Variants in PAPSS2 observed in about 807,000 individuals in gnomAD.
PAPSS2 encodes the protein bifunctional 3'-phosphoadenosine 5'-phosphosulfate synthase 2.
A neutral mutation model predicts 66.5 loss-of-function variants in PAPSS2; 61 were observed. The observed-to-expected ratio is 0.92, with a 90% CI of 0.75 to 1.14. The LOEUF is 1.14. Ranked by LOEUF, PAPSS2 falls within the 50% of genes most tolerant of loss-of-function variation. PAPSS2 has a pLI of 0.00. For missense variants in PAPSS2, 708 were observed against 789.6 expected (o/e 0.90, Z 1.24); for synonymous variants, 289 against 287.5 (o/e 1.01, Z -0.05).
chr10:87,697,965 C>G (rs1853255594), intron 1 of PAPSS2, among the ~76,000 whole-genome samples: 1 of 152,220 alleles, frequency 6.6e-6, no homozygotes, highest in Admixed American at 6.5e-5. Flanking sequence ...CTGAATGATG[C>G]TTGCAAACTG....
intron 1 of PAPSS2, chr10:87,704,115 T>C (rs1198161990): frequency 2.3e-6 from 1 of 444,398 alleles, no homozygotes; most frequent in African/African-American, 2.0e-5. Flanking sequence ...GTTTGCCTTT[T>C]GCAAAACCTC....
rs1174780842 is a variant in PAPSS2 at position 87,701,300 on chromosome 10, T to TTTCCTTCCTTCCTTCC, written c.28-7881_28-7866dup. ...CTCTTTTTTCTTTCTTTCTTTCTTT[T>TTTCCTTCCTTCCTTCC]TTCCTTCCTTCCTTCCTTCCTTCCT... On this transcript the variant is annotated intron_variant, in intron 1 of 12. Transcript: ENST00000456849. Among the ~76,000 whole-genome samples the TTTCCTTCCTTCCTTCC allele has an allele frequency of 1.1e-4, 11 of 102,978 alleles. 2 individuals carry two copies. Among genetic ancestry groups the TTTCCTTCCTTCCTTCC allele is most frequent in the Admixed American group, 8.6e-4 (8 of 9,308 alleles). The allele number at this position is 102,978 out of a possible 152,430, so 67.6% of individuals were successfully genotyped here.
At chr10:87,731,730 G>T (rs181554707) in intron 9 of PAPSS2, among the ~76,000 whole-genome samples, 18 of 152,324 alleles carry the variant, frequency 1.2e-4, no homozygotes, top group Admixed American at 1.2e-3. Context: ...AACTGCAGAC[G>T]TGGTGGAAAT....
At chr10:87,683,235 G>A (rs34286035) in intron 1 of PAPSS2, among the ~76,000 whole-genome samples, 5,087 of 151,974 alleles carry the variant, frequency 0.033, 144 homozygotes, top group Non-Finnish European at 0.056. Flanking sequence ...TGGGACTGCA[G>A]GTGTGCACCA....
chr10:87,741,876 C>T (rs1055955337), intron 10 of PAPSS2, among the ~76,000 whole-genome samples: 3 of 152,154 alleles, frequency 2.0e-5, no homozygotes, highest in Non-Finnish European at 4.4e-5. Context: ...CCAACCTTAA[C>T]CTCACAAGTA....
chr10:87,664,059 A>G (rs1191979329), intron 1 of PAPSS2, among the ~76,000 whole-genome samples: 1 of 152,128 alleles, frequency 6.6e-6, no homozygotes, highest in Non-Finnish European at 1.5e-5. Context: ...GGTGCACACC[A>G]TCATGCCTGG....
At chr10:87,706,108 A>ATATGTGTGTG in intron 1 of PAPSS2, among the ~76,000 whole-genome samples, 47 of 52,008 alleles carry the variant, frequency 9.0e-4, no homozygotes, top group African/African-American at 4.2e-3. Flanking sequence ...ATATATATAT[A>ATATGTGTGTG]TGTGTGTGTG....
rs150079044 is a variant in PAPSS2 at position 87,706,108 on chromosome 10, A to ATGTGTGTGTGTG, written c.28-3066_28-3055dup. On this transcript the variant is annotated intron_variant, in intron 1 of 12. Transcript: ENST00000456849. ...GGTATATATATATATATATATATAT[A>ATGTGTGTGTGTG]TGTGTGTGTGTGTGTGTGTGTGTGT... is the stretch of plus-strand genomic sequence containing the variant. 1.6e-3 allele frequency among the ~76,000 whole-genome samples: 82 copies of ATGTGTGTGTGTG among 51,890 alleles called. 2 individuals are homozygous for ATGTGTGTGTGTG. Among genetic ancestry groups the ATGTGTGTGTGTG allele is most frequent in the East Asian group, 4.2e-3 (10 of 2,358 alleles). The allele number at this position is 51,890 out of a possible 152,430, so 34.0% of individuals were successfully genotyped here. A position where few individuals can be genotyped will look rare whatever the true frequency, so the allele number is the denominator to read the frequency against.
chr10:87,660,269 C>G (rs995781737), intron 1 of PAPSS2: 7 of 595,830 alleles, frequency 1.2e-5, no homozygotes, highest in Non-Finnish European at 2.1e-5. Context: ...AGAGACCTCC[C>G]GAGCTTCTCA....
rs775388318 is a variant in PAPSS2, at chr10:87,715,751, A to G, written c.773A>G (p.Gln258Arg). The change falls in exon 7 of 13, where the codon CAG becomes CGG. Residue 258 changes from glutamine (Q) to arginine (R), a missense_variant. By Grantham distance (43) the Gln-to-Arg change is conservative (BLOSUM62 1). Coordinates refer to ENST00000456849, the MANE Select transcript of PAPSS2 (RefSeq NM_001015880.2). ...SITKLDLQWV[Q>R]VLSEGWATPL... ...TTGCAGCTGGATCTCCAGTGGGTCC[A>G]GGTTTTGAGCGAAGGCTGGGCCACT... 7 of 1,612,874 alleles carry G rather than the reference A, an allele frequency of 4.3e-6. No individual in the cohort carries two copies. The South Asian group carries it at 7.7e-5, about 18-fold the overall frequency.
intron 4 of PAPSS2, 107 bp from the exon 5 acceptor site, chr10:87,714,638 G>C (rs903749919): frequency 3.8e-6 from 3 of 798,082 alleles, no homozygotes; most frequent in Non-Finnish European, 6.7e-6. Context: ...CTGTTAAAGT[G>C]TGAATTTTCA....
chr10:87,706,106 ATATG>A (rs1350236360), intron 1 of PAPSS2, among the ~76,000 whole-genome samples: 151 of 85,228 alleles, frequency 1.8e-3, no homozygotes, highest in African/African-American at 4.3e-3. Context: ...ATATATATAT[ATATG>A]TGTGTGTGTG....
At chr10:87,709,786 A>G (rs1416737299) in intron 2 of PAPSS2, among the ~76,000 whole-genome samples, 1 of 152,244 alleles carries the variant, frequency 6.6e-6, no homozygotes, top group Non-Finnish European at 1.5e-5. Context: ...CACTTACTAT[A>G]TAAACAACAA....
At chr10:87,740,099 G>A (rs931235357) in intron 9 of PAPSS2, among the ~76,000 whole-genome samples, 3 of 152,002 alleles carry the variant, frequency 2.0e-5, no homozygotes, top group Non-Finnish European at 4.4e-5. Context: ...ATGACTATTC[G>A]GCAGATATTT....
intron 1 of PAPSS2, among the ~76,000 whole-genome samples, chr10:87,705,810 T>C (rs1166111342): frequency 1.3e-5 from 2 of 151,662 alleles, no homozygotes; most frequent in East Asian, 3.9e-4. Context: ...CTCGGGTCAC[T>C]GCAACCTCCG....
intron 1 of PAPSS2, among the ~76,000 whole-genome samples, chr10:87,706,961 A>G (rs1853399315): frequency 6.6e-6 from 1 of 152,230 alleles, no homozygotes; most frequent in East Asian, 1.9e-4. Context: ...TTCCGACCAG[A>G]TTTGCTTAAT....
At chr10:87,729,911 G>C (rs935037286) in intron 9 of PAPSS2, among the ~76,000 whole-genome samples, 1 of 152,084 alleles carries the variant, frequency 6.6e-6, no homozygotes, top group Non-Finnish European at 1.5e-5. Context: ...CAGGAGAATC[G>C]CTTGAACCCA....
At chr10:87,739,397 T>C (rs1853840020) in intron 9 of PAPSS2, among the ~76,000 whole-genome samples, 1 of 152,262 alleles carries the variant, frequency 6.6e-6, no homozygotes, top group South Asian at 2.1e-4. Context: ...GAGATTTCCT[T>C]TTGTTTTAAA....
At chr10:87,709,356 A>C in intron 2 of PAPSS2, 43 bp downstream of exon 2, 2 of 1,167,784 alleles carry the variant, frequency 1.7e-6, no homozygotes, top group Non-Finnish European at 2.6e-6. Flanking sequence ...CAAATTGCAA[A>C]CTGACATGTG....
Sources: gnomAD v4.1 joint callset for allele counts (sites outside exome capture counted in the v4.1 genomes callset) on GRCh38, gnomAD v4.1.1 for gene constraint, MANE v1.5 for transcripts, NCBI Gene and HGNC (gene_info 2026-07-23, HGNC 2026-07-21) for gene names.